Variants in CCDC172 observed in about 807,000 individuals in gnomAD.
CCDC172 encodes the protein coiled-coil domain-containing protein 172.
Under a neutral mutation model 38.0 loss-of-function variants are expected in CCDC172, and 30 were observed. The observed-to-expected ratio is 0.79, with a 90% CI of 0.59 to 1.07. The LOEUF is 1.07. Ranked by LOEUF, CCDC172 falls within the 50% of genes least tolerant of loss-of-function variation. The pLI is 0.00. For synonymous variants in CCDC172, 78 were observed against 88.3 expected (o/e 0.88, Z 0.66); for missense variants, 297 against 290.1 (o/e 1.02, Z -0.17).
chr10:116,339,978 T>C (rs1251862300), intron 3 of CCDC172, among the ~76,000 whole-genome samples: 1 of 151,976 alleles, frequency 6.6e-6, no homozygotes. Flanking sequence ...AAACGATGCT[T>C]TCTTATGAGG....
chr10:116,352,916 G>A (rs988769485), intron 5 of CCDC172, among the ~76,000 whole-genome samples: 3 of 151,992 alleles, frequency 2.0e-5, no homozygotes, highest in Non-Finnish European at 4.4e-5. Flanking sequence ...AAACAAGGCC[G>A]GGCACAGTGG....
intron 5 of CCDC172, among the ~76,000 whole-genome samples, chr10:116,350,944 A>G (rs1260658735): frequency 6.6e-6 from 1 of 152,136 alleles, no homozygotes; most frequent in Non-Finnish European, 1.5e-5. Context: ...AACAAGTAGG[A>G]AAAAAAGTTA....
At chr10:116,371,472 G>T (rs954668704) in intron 7 of CCDC172, among the ~76,000 whole-genome samples, 3 of 151,706 alleles carry the variant, frequency 2.0e-5, no homozygotes, top group African/African-American at 7.2e-5. Context: ...TTTTGCATTA[G>T]TATTCATAGA....
Position 116,378,449 on chromosome 10 carries a change from A to G in CCDC172, c.680A>G (p.Lys227Arg), listed in dbSNP as rs763461301. 2 of 1,600,960 alleles carry G rather than the reference A, an allele frequency of 1.2e-6. No individual in the cohort carries two copies. The highest frequency in any genetic ancestry group is 1.7e-6 in the Non-Finnish European group (2 of 1,175,556). The change falls in exon 8 of 9, where the codon AAG becomes AGG. Residue 227 changes from lysine (K) to arginine (R), a missense_variant. Lys to Arg is a conservative substitution (Grantham distance 26). Coordinates refer to ENST00000333254, the MANE Select transcript of CCDC172 (RefSeq NM_198515.3). ...CTTAAAAAAGAATTAGAACTTTATA[A>G]GGAAGATGACATGGAAAGTGTTTAT... ...LRLKKELELY[K>R]EDDMESVYEA...
chr10:116,332,739 G>T (rs559083764), intron 3 of CCDC172, among the ~76,000 whole-genome samples: 42 of 148,088 alleles, frequency 2.8e-4, no homozygotes, highest in Middle Eastern at 3.6e-3. Context: ...TACAGATATG[G>T]TTTTTTTTTT....
At chr10:116,366,384 T>C (rs893900907) in intron 7 of CCDC172, among the ~76,000 whole-genome samples, 1 of 152,198 alleles carries the variant, frequency 6.6e-6, no homozygotes, top group Admixed American at 6.5e-5. Flanking sequence ...ATTTTCTTTA[T>C]AGTATTATAT....
At chr10:116,348,741 A>G (rs1371553795) in intron 5 of CCDC172, among the ~76,000 whole-genome samples, 1 of 152,076 alleles carries the variant, frequency 6.6e-6, no homozygotes, top group East Asian at 1.9e-4. Flanking sequence ...TCCACCTTCC[A>G]GCCTCACCCA....
intron 7 of CCDC172, among the ~76,000 whole-genome samples, chr10:116,365,360 T>C (rs1330305251): frequency 1.3e-5 from 2 of 152,204 alleles, no homozygotes; most frequent in Non-Finnish European, 2.9e-5. Context: ...CACCACCTAA[T>C]TCTGATAGGC....
intron 4 of CCDC172, among the ~76,000 whole-genome samples, chr10:116,341,572 T>A (rs1387174550): frequency 6.6e-6 from 1 of 152,104 alleles, no homozygotes; most frequent in African/African-American, 2.4e-5. Flanking sequence ...AATATATAAT[T>A]TTGATTTCAT....
intron 7 of CCDC172, among the ~76,000 whole-genome samples, chr10:116,376,863 G>A (rs978157053): frequency 2.6e-4 from 40 of 152,102 alleles, no homozygotes; most frequent in Non-Finnish European, 7.4e-5. Flanking sequence ...CAGGGAGAGA[G>A]GAGGTACTGT....
Position 116,379,454 on chromosome 10 carries a change from T to G in CCDC172, c.*96T>G. 1.4e-6 allele frequency: 1 copy of G among 706,414 alleles called. No individual in the cohort carries two copies. The allele number at this position is 706,414 out of a possible 1,614,324, so 43.8% of individuals were successfully genotyped here. The stretch of plus-strand genomic sequence containing the variant: ...TATGAATGGTACCCGTTACAACGGA[T>G]CCTTGTGGGAAATATGGGGTTTAAA... On this transcript the variant is annotated 3_prime_UTR_variant, in exon 9 of 9. Transcript: ENST00000333254.
At chr10:116,335,762 G>C (rs541292171) in intron 3 of CCDC172, among the ~76,000 whole-genome samples, 1 of 151,964 alleles carries the variant, frequency 6.6e-6, no homozygotes, top group African/African-American at 2.4e-5. Context: ...GCTTTTTTCT[G>C]TTTTTGTTGG....
intron 5 of CCDC172, among the ~76,000 whole-genome samples, chr10:116,348,810 C>A (rs947399327): frequency 6.6e-6 from 1 of 152,110 alleles, no homozygotes; most frequent in Non-Finnish European, 1.5e-5. Context: ...TTGTACCCTG[C>A]TTCCTCCTGC....
intron 5 of CCDC172, among the ~76,000 whole-genome samples, chr10:116,354,729 C>CA (rs1464422067): frequency 3.3e-5 from 5 of 151,896 alleles, no homozygotes; most frequent in Admixed American, 2.0e-4. Context: ...GACTCTGTCT[C>CA]AAAAAATAAT....
At chr10:116,366,365 GTATA>G (rs1237943554) in intron 7 of CCDC172, among the ~76,000 whole-genome samples, 3 of 151,880 alleles carry the variant, frequency 2.0e-5, no homozygotes, top group African/African-American at 7.3e-5. Context: ...ATTTACTTGT[GTATA>G]TATAATTTTC....
In CCDC172 at chr10:116,324,625, CT is replaced by C; in HGVS notation, c.-66+17del. The stretch of plus-strand genomic sequence containing the variant: ...CCTCAAAAGCCAAGGTCTTGGCAGC[CT>C]TTTTATTTGCCACCAAAGCGAAAAA... On this transcript the variant is annotated intron_variant, in intron 1 of 8. Transcript: ENST00000333254. 1 of 181,668 alleles carries C rather than the reference CT, an allele frequency of 5.5e-6. No individual in the cohort carries two copies. Among genetic ancestry groups the C allele is most frequent in the Non-Finnish European group, 1.2e-5 (1 of 86,906 alleles). The allele number at this position is 181,668 out of a possible 1,614,324, so 11.3% of individuals were successfully genotyped here. A position where few individuals can be genotyped will look rare whatever the true frequency, so the allele number is the denominator to read the frequency against.
rs115241803 is a variant in CCDC172 at position 116,348,397 on chromosome 10, C to A, written c.448+6196C>A. On this transcript the variant is annotated intron_variant, in intron 5 of 8. Transcript: ENST00000333254. ...CTTCATTCTGACCTTGCCCACTGAGCTTTTAGCCCATAACTATGATTAGTC... is the reference window on the plus strand; with the variant it reads ...CTTCATTCTGACCTTGCCCACTGAGATTTTAGCCCATAACTATGATTAGTC... 4.9e-3 allele frequency among the ~76,000 whole-genome samples: 742 copies of A among 152,094 alleles called. 4 individuals carry two copies. The highest frequency in any genetic ancestry group is 0.017 in the African/African-American group (707 of 41,468).
At chr10:116,345,834 T>C (rs533899864) in intron 5 of CCDC172, among the ~76,000 whole-genome samples, 2 of 152,326 alleles carry the variant, frequency 1.3e-5, no homozygotes, top group Non-Finnish European at 1.5e-5. Context: ...CTGATACTCA[T>C]ATGGTAGTGA....
Position 116,325,403 on chromosome 10 carries a change from A to G in CCDC172, c.165+15A>G, listed in dbSNP as rs1182730051. On this transcript the variant is annotated intron_variant, in intron 3 of 8. Transcript: ENST00000333254. ...TGGAATCTAAGGTATTGAAATGTAAAGCATACTAATTATCACTTGAAAAAG... is the reference window on the plus strand; with the variant it reads ...TGGAATCTAAGGTATTGAAATGTAAGGCATACTAATTATCACTTGAAAAAG... The G allele has an allele frequency of 6.3e-7, 1 of 1,597,542 alleles. No homozygotes were observed. Among genetic ancestry groups the G allele is most frequent in the Admixed American group, 1.7e-5 (1 of 58,880 alleles).
Sources: allele counts gnomAD v4.1 joint callset (sites outside exome capture counted in the v4.1 genomes callset), GRCh38; gene constraint gnomAD v4.1.1; transcripts MANE v1.5; gene names NCBI Gene and HGNC (gene_info 2026-07-23, HGNC 2026-07-21).